Variants in ACIN1 observed in about 807,000 individuals in gnomAD.
ACIN1 encodes the protein apoptotic chromatin condensation inducer 1.
A neutral mutation model predicts 146.6 loss-of-function variants in ACIN1; 16 were observed. The observed-to-expected ratio is 0.11, with a 90% confidence interval of 0.07 to 0.17. The LOEUF (loss-of-function observed/expected upper bound fraction) is 0.17. ACIN1 is among the 10% of genes least tolerant of loss of function. ACIN1 has a pLI of 1.00. For missense variants in ACIN1, 1,357 were observed against 1,609.3 expected, an observed-to-expected ratio of 0.84 and a Z score of 2.68; for synonymous variants, 569 against 582.7, an observed-to-expected ratio of 0.98 and a Z score of 0.34.
chr14:23,087,797 C>A (rs10132224), intron 4 of ACIN1, among the ~76,000 whole-genome samples: 14,040 of 152,060 alleles, frequency 0.092, 1,087 homozygotes, highest in African/African-American at 0.21. Context: ...GCTGACTATT[C>A]TTGAATGTGA....
At chr14:23,088,193 T>C (rs763610) in intron 4 of ACIN1, among the ~76,000 whole-genome samples, 60,191 of 151,990 alleles carry the variant, frequency 0.4, 11,915 homozygotes, top group Middle Eastern at 0.53. Flanking sequence ...TACCGACAAT[T>C]TTAGAAGAGC....
chr14:23,060,046 C>T (rs945085825), intron 18 of ACIN1, among the ~76,000 whole-genome samples: 5 of 149,686 alleles, frequency 3.3e-5, no homozygotes, highest in African/African-American at 1.2e-4. Flanking sequence ...TGGTCTCCGA[C>T]TCGCAGGTTC....
chr14:23,074,629 C>G (rs575999278), intron 8 of ACIN1, among the ~76,000 whole-genome samples: 12 of 152,240 alleles, frequency 7.9e-5, no homozygotes, highest in Non-Finnish European at 1.5e-4. Flanking sequence ...TATCTACTTG[C>G]AGGACTAGTA....
Position 23,062,935 on chromosome 14 carries a change from G to C in ACIN1, c.2877C>G (p.Ser959=), listed in dbSNP as rs2047334325. 1 of 1,604,244 alleles carries C rather than the reference G, an allele frequency of 6.2e-7. No homozygotes were observed. The highest frequency in any genetic ancestry group is 1.3e-5 in the African/African-American group (1 of 74,352). Residue 959 remains serine (S), a synonymous_variant, in exon 14 of 19, where the codon TCC becomes TCG. Transcript: ENST00000605057. ...GTGAGAAACAATGACTTACCAAATT[G>C]GAGATATGGACAATGTTGCTAATCT... ...RGKISNIVHI[S]NLVRPFTLGQ...
intron 1 of ACIN1, chr14:23,094,361 A>T (rs2048310901): frequency 2.0e-6 from 1 of 500,830 alleles, no homozygotes; most frequent in African/African-American, 2.1e-5. Flanking sequence ...TCCCCAATAT[A>T]TATCAACCTG....
chr14:23,092,848 G>GC (rs1361509470), intron 2 of ACIN1, among the ~76,000 whole-genome samples: 4 of 152,140 alleles, frequency 2.6e-5, no homozygotes, highest in Admixed American at 6.5e-5. Context: ...CCCCTAGGAA[G>GC]CTCCCCAAAG....
chr14:23,082,961 A>C (rs913410748), intron 4 of ACIN1, among the ~76,000 whole-genome samples: 4 of 148,476 alleles, frequency 2.7e-5, no homozygotes, highest in African/African-American at 1.0e-4. Context: ...GCTGGTTCGA[A>C]CTCCTGGGCT....
At position 23,080,229 on chromosome 14, in the gene ACIN1, G is replaced by A. The variant is rs773696821; in HGVS notation, c.1106C>T (p.Pro369Leu). Reference sequence around the variant, plus strand: ...TTCGCTATGGAGCTGTGGATGAGGTGGTGGAGAAGATGCTTCCTTTGTTAG... The same window carrying A: ...TTCGCTATGGAGCTGTGGATGAGGTAGTGGAGAAGATGCTTCCTTTGTTAG... ...PLLTKEASSP[P>L]PHPQLHSEEE... Residue 369 changes from proline (P) to leucine (L), a missense_variant, in exon 6 of 19, where the codon CCA becomes CTA. Pro to Leu is a moderately conservative substitution (Grantham distance 98). This residue lies in a region of ACIN1 where 771 missense variants were observed against 746.6 expected (regional missense o/e 1.03). Transcript: ENST00000605057. The A allele has an allele frequency of 3.1e-6, 5 of 1,614,180 alleles. No homozygotes were observed. In the Admixed American group the frequency reaches 6.7e-5, roughly 22 times the overall value.
chr14:23,061,971 C>CAAAAAAAAAAAAAAAAAAAAAA (rs57962360), intron 16 of ACIN1, among the ~76,000 whole-genome samples, 197 bp downstream of exon 16: 7 of 59,130 alleles, frequency 1.2e-4, no homozygotes, highest in African/African-American at 4.4e-4. Context: ...GACTCTGTCT[C>CAAAAAAAAAAAAAAAAAAAAAA]AAAAAAAAAA....
intron 8 of ACIN1, chr14:23,071,133 G>C (rs111237085): frequency 5.8e-6 from 9 of 1,551,626 alleles, no homozygotes; most frequent in African/African-American, 2.7e-5. Context: ...ACCCTTCTTT[G>C]CTTTCTGATA....
chr14:23,058,779 G>A lies in ACIN1; in HGVS notation c.*369C>T, dbSNP rs550631068. The A allele has an allele frequency of 3.5e-6, 1 of 285,674 alleles. No homozygotes were observed. Among genetic ancestry groups the A allele is most frequent in the African/African-American group, 2.1e-5 (1 of 47,570 alleles). 17.7% of individuals were successfully genotyped at this position (285,674 alleles called of 1,614,324 possible). ...TTCAGCTCATAGGTGACCCAGTCCT[G>A]GCCCCGGCTGTTCCCAAGAGAAGGC... On this transcript the variant is annotated 3_prime_UTR_variant, in exon 19 of 19. Transcript: ENST00000605057.
chr14:23,068,841 ATTACT>A lies in ACIN1; in HGVS notation c.2265+630_2265+634del. 1 of 985,368 alleles carries A rather than the reference ATTACT, an allele frequency of 1.0e-6. No homozygotes were observed. Among genetic ancestry groups the A allele is most frequent in the East Asian group, 1.1e-4 (1 of 8,806 alleles). 61.0% of individuals were successfully genotyped at this position (985,368 alleles called of 1,614,324 possible). On this transcript the variant is annotated intron_variant, in intron 9 of 18. Transcript: ENST00000605057. This position sits in a 1 kb window ranked among gnomAD's most constrained non-coding sequence, Gnocchi z 4.3. ...CCTAAACCCAGCTCATTCTTTCTCA[ATTACT>A]TTAAGAGCCAAGAAGACTTCGCTGG...
At position 23,061,201 on chromosome 14, in the gene ACIN1, T is replaced by G; in HGVS notation, c.3425-17A>C. 1 of 1,614,042 alleles carries G rather than the reference T, an allele frequency of 6.2e-7. No homozygotes were observed. Among genetic ancestry groups the G allele is most frequent in the Non-Finnish European group, 8.5e-7 (1 of 1,179,948 alleles). ...GGGCTTTCTCTGAGGTGGAAAAAAG[T>G]GAACCAGATATGATGCATCTGACCC... is the stretch of plus-strand genomic sequence containing the variant. On this transcript the variant is annotated splice_polypyrimidine_tract_variant and intron_variant, in intron 17 of 18. Transcript: ENST00000605057.
Position 23,067,353 on chromosome 14 carries a change from C to G in ACIN1, c.2266-1345G>C. ...TCAGCCAATCGCACCTCACTGTGTA[C>G]TGTATCTAGTCAACCGCCGGTCCAA... On this transcript the variant is annotated intron_variant, in intron 9 of 18. Coordinates refer to ENST00000605057, the MANE Select transcript of ACIN1 (RefSeq NM_001386863.1). This position sits in a 1 kb window ranked among gnomAD's most constrained non-coding sequence, Gnocchi z 4.6. The G allele has an allele frequency of 1.0e-6, 1 of 985,826 alleles. No individual in the cohort carries two copies. The highest frequency in any genetic ancestry group is 1.2e-6 in the Non-Finnish European group (1 of 829,950). The allele number at this position is 985,826 out of a possible 1,614,324, so 61.1% of individuals were successfully genotyped here. A position where few individuals can be genotyped will look rare whatever the true frequency, so the allele number is the denominator to read the frequency against.
intron 8 of ACIN1, 57 bp from the exon 9 acceptor site, chr14:23,069,674 A>G (rs2047570586): frequency 7.8e-6 from 12 of 1,536,780 alleles, no homozygotes; most frequent in Non-Finnish European, 1.1e-5. Context: ...CAAGGGGAAG[A>G]GAGAGCAAGA....
At chr14:23,072,857 G>A (rs2047699172) in intron 8 of ACIN1, among the ~76,000 whole-genome samples, 1 of 152,230 alleles carries the variant, frequency 6.6e-6, no homozygotes, top group Non-Finnish European at 1.5e-5. Flanking sequence ...GAGTCAGACT[G>A]GCTAGCCCCA....
chr14:23,074,339 G>A (rs1009588165), intron 8 of ACIN1, among the ~76,000 whole-genome samples: 1 of 151,864 alleles, frequency 6.6e-6, no homozygotes, highest in Non-Finnish European at 1.5e-5. Context: ...GCTGAGACAG[G>A]AGGACTGCCT....
At chr14:23,070,892 A>G (rs912413201) in intron 8 of ACIN1, among the ~76,000 whole-genome samples, 2 of 152,172 alleles carry the variant, frequency 1.3e-5, no homozygotes, top group African/African-American at 4.8e-5. Flanking sequence ...GAAACACGAG[A>G]TTTAGCTGCT....
At chr14:23,071,334 G>C (rs866693042) in intron 8 of ACIN1, 3 of 1,513,868 alleles carry the variant, frequency 2.0e-6, no homozygotes, top group East Asian at 2.5e-5. Context: ...AGCAACCGGG[G>C]ATCCAAAAAA....
Sources: allele counts gnomAD v4.1 joint callset (sites outside exome capture counted in the v4.1 genomes callset), GRCh38; gene constraint gnomAD v4.1.1; regional missense constraint gnomAD v4.1.1; non-coding constraint Gnocchi (gnomAD v3.1); transcripts MANE v1.5; gene names NCBI Gene and HGNC (gene_info 2026-07-23, HGNC 2026-07-21).